The following LYNX1 variants were observed in gnomAD, a reference collection of about 807,000 sequenced individuals.
The protein encoded by LYNX1 is Ly6/neurotoxin 1.
Under a neutral mutation model 8.3 loss-of-function variants are expected in LYNX1, and 8 were observed. The observed-to-expected ratio is 0.97, with a 90% CI of 0.57 to 1.74. LYNX1 has a LOEUF of 1.74. Ranked by LOEUF, LYNX1 falls within the 40% of genes most tolerant of loss-of-function variation. The probability of loss-of-function intolerance (pLI) is 0.00; values close to 1 mark genes in which losing one functional copy is unlikely to be tolerated. For missense variants in LYNX1, 158 were observed against 159.7 expected (o/e 0.99, Z 0.06); for synonymous variants, 73 against 67.9 (o/e 1.08, Z -0.37).
rs750720051 is a variant in LYNX1, at chr8:142,775,344, C to A, written c.174G>T (p.Met58Ile). 1 of 1,613,802 alleles carries A rather than the reference C, an allele frequency of 6.2e-7. No homozygotes were observed. Among genetic ancestry groups the A allele is most frequent in the Admixed American group, 1.7e-5 (1 of 60,014 alleles). Reference sequence around the variant, plus strand: ...GGGGCACGCAGGACTTACTGACCTTCATCCTGGTGGGGGTGTAGTCTGCAG... The same window carrying A: ...GGGGCACGCAGGACTTACTGACCTTAATCCTGGTGGGGGTGTAGTCTGCAG... ...TTRTYYTPTR[M>I]KVSKSCVPRC... Residue 58 changes from methionine to isoleucine, a missense_variant, in exon 4 of 4, where the codon ATG becomes ATT. Met to Ile is a conservative substitution (Grantham distance 10). Transcript: ENST00000652477.
Position 142,773,139 on chromosome 8 carries a change from C to A in LYNX1, c.*2028G>T, listed in dbSNP as rs894505061. The A allele has an allele frequency of 2.8e-5, 28 of 985,458 alleles. No homozygotes were observed. The highest frequency in any genetic ancestry group is 3.4e-5 in the Non-Finnish European group (28 of 830,026). 61.0% of individuals were successfully genotyped at this position (985,458 alleles called of 1,614,324 possible). On this transcript the variant is annotated 3_prime_UTR_variant, in exon 4 of 4. Coordinates refer to ENST00000652477, the MANE Select transcript of LYNX1 (RefSeq NM_177477.4). ...AAGCCGCGCAGTGACTGCTCCCAGC[C>A]TCTCCCAAGGACTTAGGAGCCCAAA...
rs1815341915 is a variant in LYNX1 at position 142,775,009 on chromosome 8, T to C, written c.*158A>G. On this transcript the variant is annotated 3_prime_UTR_variant, in exon 4 of 4. Transcript: ENST00000652477. Reference sequence around the variant, plus strand: ...GCCTCGAAGTGAGGTCGTGTGGTGGTTGGGGGAGGTCGGGTGTCTTCTTGC... The same window carrying C: ...GCCTCGAAGTGAGGTCGTGTGGTGGCTGGGGGAGGTCGGGTGTCTTCTTGC... 3 of 1,436,188 alleles carry C rather than the reference T, an allele frequency of 2.1e-6. No individual in the cohort carries two copies. Among genetic ancestry groups the C allele is most frequent in the Non-Finnish European group, 2.7e-6 (3 of 1,098,840 alleles). 89.0% of individuals were successfully genotyped at this position (1,436,188 alleles called of 1,614,324 possible).
chr8:142,772,718 G>A lies in LYNX1; in HGVS notation c.*2449C>T. The stretch of plus-strand genomic sequence containing the variant: ...GGACAAGTTTACTGCTGTGATTTCT[G>A]CCGGCGCTGCTGTGCCGGTTCCCTG... On this transcript the variant is annotated 3_prime_UTR_variant, in exon 4 of 4. Transcript: ENST00000652477. 1 of 985,640 alleles carries A rather than the reference G, an allele frequency of 1.0e-6. No homozygotes were observed. The highest frequency in any genetic ancestry group is 1.2e-6 in the Non-Finnish European group (1 of 830,064). The allele number at this position is 985,640 out of a possible 1,614,324, so 61.1% of individuals were successfully genotyped here. A position where few individuals can be genotyped will look rare whatever the true frequency, so the allele number is the denominator to read the frequency against.
At chr8:142,775,729 G>C (rs1169131678) in intron 2 of LYNX1, 35 bp from the exon 3 acceptor site, 1 of 1,557,928 alleles carries the variant, frequency 6.4e-7, no homozygotes, top group Non-Finnish European at 8.7e-7. Flanking sequence ...GGGAACGGGG[G>C]TCACAGAACA....
At position 142,771,202 on chromosome 8, in the gene LYNX1, T is replaced by C. The variant is rs1815162016; in HGVS notation, c.*3965A>G. The C allele has an allele frequency of 1.0e-6, 1 of 985,248 alleles. No homozygotes were observed. Among genetic ancestry groups the C allele is most frequent in the Non-Finnish European group, 1.2e-6 (1 of 829,932 alleles). The allele number at this position is 985,248 out of a possible 1,614,324, so 61.0% of individuals were successfully genotyped here. On this transcript the variant is annotated 3_prime_UTR_variant, in exon 4 of 4. Coordinates refer to ENST00000652477, the MANE Select transcript of LYNX1 (RefSeq NM_177477.4). ...TGGGGCTGGAGAGAAGCGCAGACAA[T>C]GCGAATCTGTTGATTTATTTACGGC... is the stretch of plus-strand genomic sequence containing the variant.
Position 142,771,464 on chromosome 8 carries a change from T to C in LYNX1, c.*3703A>G, listed in dbSNP as rs750011715. On this transcript the variant is annotated 3_prime_UTR_variant, in exon 4 of 4. Transcript: ENST00000652477. ...AGGGCTGGGCGGAAGCTGGCAGGGC[T>C]GTCCACAGGGAGGACCCCCGTGTGT... is the stretch of plus-strand genomic sequence containing the variant. 2.6e-5 allele frequency: 26 copies of C among 985,302 alleles called. No homozygotes were observed. Among genetic ancestry groups the C allele is most frequent in the Middle Eastern group, 5.2e-4 (1 of 1,936 alleles). The allele number at this position is 985,302 out of a possible 1,614,324, so 61.0% of individuals were successfully genotyped here.
In LYNX1 at chr8:142,775,356, G is replaced by A; in HGVS notation, c.162C>T (p.Thr54=). Residue 54 remains threonine (T), a synonymous_variant, in exon 4 of 4, where the codon ACC becomes ACT. Coordinates refer to ENST00000652477, the MANE Select transcript of LYNX1 (RefSeq NM_177477.4). ...ACTTACTGACCTTCATCCTGGTGGG[G>A]GTGTAGTCTGCAGAGGGGCGGGGCG... ...AYCMTTRTYY[T]PTRMKVSKSC... The A allele has an allele frequency of 6.2e-7, 1 of 1,613,552 alleles. No homozygotes were observed.
intron 1 of LYNX1, chr8:142,776,777 G>C (rs1453339663): frequency 6.6e-6 from 1 of 152,372 alleles, no homozygotes; most frequent in Non-Finnish European, 1.5e-5. Context: ...CCCCGGCTGG[G>C]TCTGGTGTTT....
Position 142,774,064 on chromosome 8 carries a change from G to C in LYNX1, c.*1103C>G, listed in dbSNP as rs1223893215. On this transcript the variant is annotated 3_prime_UTR_variant, in exon 4 of 4. Coordinates refer to ENST00000652477, the MANE Select transcript of LYNX1 (RefSeq NM_177477.4). ...CTGGGGCTTCCACCCTGCCCTCCCA[G>C]TGGGTGCATCCCCAGGTGGAAGGTG... is the stretch of plus-strand genomic sequence containing the variant. 1 of 985,326 alleles carries C rather than the reference G, an allele frequency of 1.0e-6. No individual in the cohort carries two copies. The highest frequency in any genetic ancestry group is 1.2e-6 in the Non-Finnish European group (1 of 829,976). The allele number at this position is 985,326 out of a possible 1,614,324, so 61.0% of individuals were successfully genotyped here. A position where few individuals can be genotyped will look rare whatever the true frequency, so the allele number is the denominator to read the frequency against.
chr8:142,773,426 G>A lies in LYNX1; in HGVS notation c.*1741C>T. The A allele has an allele frequency of 1.0e-6, 1 of 985,634 alleles. No individual in the cohort carries two copies. Among genetic ancestry groups the A allele is most frequent in the Non-Finnish European group, 1.2e-6 (1 of 830,088 alleles). The allele number at this position is 985,634 out of a possible 1,614,324, so 61.1% of individuals were successfully genotyped here. ...TCCTTCCCAGCTCTGGGCCCAGTAT[G>A]ATGCCCATCTTCCCTCTGGGGAGTC... On this transcript the variant is annotated 3_prime_UTR_variant, in exon 4 of 4. Transcript: ENST00000652477.
In LYNX1 at chr8:142,773,036, G is replaced by A. The variant is rs941519032; in HGVS notation, c.*2131C>T. On this transcript the variant is annotated 3_prime_UTR_variant, in exon 4 of 4. Transcript: ENST00000652477. ...CCTCCCCATCACCCCACTGAGACTCGAGACAGGGAGGACCTGATCCTGGAG... is the reference window on the plus strand; with the variant it reads ...CCTCCCCATCACCCCACTGAGACTCAAGACAGGGAGGACCTGATCCTGGAG... 11 of 985,342 alleles carry A rather than the reference G, an allele frequency of 1.1e-5. No individual in the cohort carries two copies. Among genetic ancestry groups the A allele is most frequent in the Middle Eastern group, 5.2e-4 (1 of 1,938 alleles). 61.0% of individuals were successfully genotyped at this position (985,342 alleles called of 1,614,324 possible). A position where few individuals can be genotyped will look rare whatever the true frequency, so the allele number is the denominator to read the frequency against.
At position 142,772,517 on chromosome 8, in the gene LYNX1, G is replaced by T; in HGVS notation, c.*2650C>A. The T allele has an allele frequency of 1.0e-6, 1 of 985,472 alleles. No homozygotes were observed. The highest frequency in any genetic ancestry group is 1.2e-6 in the Non-Finnish European group (1 of 829,948). The allele number at this position is 985,472 out of a possible 1,614,324, so 61.0% of individuals were successfully genotyped here. A position where few individuals can be genotyped will look rare whatever the true frequency, so the allele number is the denominator to read the frequency against. Reference sequence around the variant, plus strand: ...CGGCTGCACTGTGGTGCAGGGGGTGGTGAGTGAGCGAGGAGGCACTAGTGT... The same window carrying T: ...CGGCTGCACTGTGGTGCAGGGGGTGTTGAGTGAGCGAGGAGGCACTAGTGT... On this transcript the variant is annotated 3_prime_UTR_variant, in exon 4 of 4. Coordinates refer to ENST00000652477, the MANE Select transcript of LYNX1 (RefSeq NM_177477.4).
chr8:142,775,078 T>C lies in LYNX1; in HGVS notation c.*89A>G. On this transcript the variant is annotated 3_prime_UTR_variant, in exon 4 of 4. Transcript: ENST00000652477. The stretch of plus-strand genomic sequence containing the variant: ...GCATGGCTGAGGAGGTCGCAGGGAG[T>C]GTGGAGGGTGAGGCAGGGTGAGCTG... 1 of 1,499,808 alleles carries C rather than the reference T, an allele frequency of 6.7e-7. No homozygotes were observed. The highest frequency in any genetic ancestry group is 8.9e-7 in the Non-Finnish European group (1 of 1,126,326). 92.9% of individuals were successfully genotyped at this position (1,499,808 alleles called of 1,614,324 possible).
chr8:142,772,289 G>T lies in LYNX1; in HGVS notation c.*2878C>A. On this transcript the variant is annotated 3_prime_UTR_variant, in exon 4 of 4. Coordinates refer to ENST00000652477, the MANE Select transcript of LYNX1 (RefSeq NM_177477.4). ...AGAGAGATCCCCGAAGTGGGAACTG[G>T]GCCCCCATGGTGCCCAGTGCCTCTC... is the stretch of plus-strand genomic sequence containing the variant. The T allele has an allele frequency of 1.0e-6, 1 of 985,836 alleles. No homozygotes were observed. 61.1% of individuals were successfully genotyped at this position (985,836 alleles called of 1,614,324 possible). A position where few individuals can be genotyped will look rare whatever the true frequency, so the allele number is the denominator to read the frequency against.
Position 142,771,611 on chromosome 8 carries a change from G to A in LYNX1, c.*3556C>T. The A allele has an allele frequency of 1.0e-6, 1 of 985,744 alleles. No individual in the cohort carries two copies. The highest frequency in any genetic ancestry group is 1.2e-6 in the Non-Finnish European group (1 of 829,968). 61.1% of individuals were successfully genotyped at this position (985,744 alleles called of 1,614,324 possible). On this transcript the variant is annotated 3_prime_UTR_variant, in exon 4 of 4. Transcript: ENST00000652477. ...CAGATTCAGGCCCTCCCTGCGAGCTGAGGTTTGAAGAGGAGAGCAGACCAC... is the reference window on the plus strand; with the variant it reads ...CAGATTCAGGCCCTCCCTGCGAGCTAAGGTTTGAAGAGGAGAGCAGACCAC...
Position 142,774,770 on chromosome 8 carries a change from T to A in LYNX1, c.*397A>T. On this transcript the variant is annotated 3_prime_UTR_variant, in exon 4 of 4. Transcript: ENST00000652477. ...CCACCACCCCACCTGCGGGCATTCCTTGTCTTCCCCCTGCCCCAGCACACC... is the reference window on the plus strand; with the variant it reads ...CCACCACCCCACCTGCGGGCATTCCATGTCTTCCCCCTGCCCCAGCACACC... The A allele has an allele frequency of 9.5e-7, 1 of 1,058,048 alleles. No homozygotes were observed. The highest frequency in any genetic ancestry group is 1.1e-6 in the Non-Finnish European group (1 of 875,864). 65.5% of individuals were successfully genotyped at this position (1,058,048 alleles called of 1,614,324 possible).
chr8:142,773,911 C>A lies in LYNX1; in HGVS notation c.*1256G>T. 1 of 985,414 alleles carries A rather than the reference C, an allele frequency of 1.0e-6. No individual in the cohort carries two copies. The allele number at this position is 985,414 out of a possible 1,614,324, so 61.0% of individuals were successfully genotyped here. On this transcript the variant is annotated 3_prime_UTR_variant, in exon 4 of 4. Coordinates refer to ENST00000652477, the MANE Select transcript of LYNX1 (RefSeq NM_177477.4). Reference sequence around the variant, plus strand: ...CTGGCACCAAAAGGTCTCACGCCCCCGAATGCCCCATTCACAGCAGGGGCA... The same window carrying A: ...CTGGCACCAAAAGGTCTCACGCCCCAGAATGCCCCATTCACAGCAGGGGCA...
Position 142,771,707 on chromosome 8 carries a change from C to T in LYNX1, c.*3460G>A, listed in dbSNP as rs1389886876. On this transcript the variant is annotated 3_prime_UTR_variant, in exon 4 of 4. Coordinates refer to ENST00000652477, the MANE Select transcript of LYNX1 (RefSeq NM_177477.4). ...CCGAGGGCCTCTCTGCTTCTTTTGA[C>T]CTTTTTCAGAGTTTCAGAGTTATGA... 3.0e-6 allele frequency: 3 copies of T among 985,748 alleles called. 1 individual carries two copies. In the East Asian group the frequency reaches 3.4e-4, roughly 112 times the overall value. The allele number at this position is 985,748 out of a possible 1,614,324, so 61.1% of individuals were successfully genotyped here. A position where few individuals can be genotyped will look rare whatever the true frequency, so the allele number is the denominator to read the frequency against.
Position 142,776,089 on chromosome 8 carries a change from C to CGGA in LYNX1, c.-135_-133dup. The stretch of plus-strand genomic sequence containing the variant: ...AGGACGTGGGGCCGGCCCTGCCTCC[C>CGGA]GGAGCTCCTGGTCTACTGGGAGTGC... On this transcript the variant is annotated 5_prime_UTR_variant, in exon 2 of 4. Transcript: ENST00000652477. The CGGA allele has an allele frequency of 9.5e-7, 1 of 1,048,850 alleles. No individual in the cohort carries two copies. The highest frequency in any genetic ancestry group is 1.4e-6 in the Non-Finnish European group (1 of 706,082). The allele number at this position is 1,048,850 out of a possible 1,614,324, so 65.0% of individuals were successfully genotyped here. A position where few individuals can be genotyped will look rare whatever the true frequency, so the allele number is the denominator to read the frequency against.
Sources: allele counts gnomAD v4.1 joint callset, GRCh38; gene constraint gnomAD v4.1.1; transcripts MANE v1.5; gene names NCBI Gene and HGNC (gene_info 2026-07-23, HGNC 2026-07-21).